The following TAS2R38 variants were observed in gnomAD, a reference collection of about 807,000 sequenced individuals.
TAS2R38 encodes the protein taste 2 receptor member 38.
Under a neutral mutation model 16.4 loss-of-function variants are expected in TAS2R38, and 11 were observed. The ratio of observed to expected loss-of-function variants is 0.67; its 90% CI spans 0.42 to 1.11. The LOEUF is 1.11. Ranked by LOEUF, TAS2R38 falls within the 50% of genes least tolerant of loss-of-function variation. The probability of loss-of-function intolerance (pLI) is 0.00; values close to 1 mark genes in which losing one functional copy is unlikely to be tolerated. For synonymous variants in TAS2R38, 149 were observed against 155.6 expected, an observed-to-expected ratio of 0.96 and a Z score of 0.32; for missense variants, 364 against 395.8, an observed-to-expected ratio of 0.92 and a Z score of 0.68.
chr7:141,972,986 C>T lies in TAS2R38; in HGVS notation c.704G>A (p.Arg235His), dbSNP rs144212167. The change falls in exon 1 of 1, where the codon CGT (arginine) becomes CAT (histidine). Residue 235 changes from arginine (R) to histidine (H), a missense_variant. By Grantham distance (29) the Arg-to-His change is conservative (BLOSUM62 0). Coordinates refer to ENST00000547270, the MANE Select transcript of TAS2R38 (RefSeq NM_176817.5). ...RTMKVYTRNS[R>H]DPSLEAHIKA... Reference sequence around the variant, plus strand: ...AATGTGGGCCTCCAGGCTGGGGTCACGAGAGTTTCTGGTATAGACCTTCAT... The same window carrying T: ...AATGTGGGCCTCCAGGCTGGGGTCATGAGAGTTTCTGGTATAGACCTTCAT... 5.7e-5 allele frequency: 92 copies of T among 1,614,016 alleles called. No homozygotes were observed. The highest frequency in any genetic ancestry group is 3.9e-4 in the African/African-American group (29 of 74,994).
chr7:141,972,911 G>A lies in TAS2R38; in HGVS notation c.779C>T (p.Ser260Phe). The A allele has an allele frequency of 6.2e-7, 1 of 1,613,778 alleles. No individual in the cohort carries two copies. Among genetic ancestry groups the A allele is most frequent in the Non-Finnish European group, 8.5e-7 (1 of 1,179,824 alleles). ...VSFFCFFVISSCAAFISVPLL... is the reference protein window; with the variant it reads ...VSFFCFFVISFCAAFISVPLL... ...GGGCACAGAGATGAAGGCAGCACAG[G>A]ATGATATCACAAAGAAGCAGAAAAA... is the stretch of plus-strand genomic sequence containing the variant. Residue 260 changes from serine to phenylalanine, a missense_variant, in exon 1 of 1, where the codon TCC (serine) becomes TTC (phenylalanine). Coordinates refer to ENST00000547270, the MANE Select transcript of TAS2R38 (RefSeq NM_176817.5).
At position 141,972,687 on chromosome 7, in the gene TAS2R38, C is replaced by G. The variant is rs782080649; in HGVS notation, c.*1G>C. 18 of 1,601,540 alleles carry G rather than the reference C, an allele frequency of 1.1e-5. No homozygotes were observed. Among genetic ancestry groups the G allele is most frequent in the Non-Finnish European group, 1.4e-5 (17 of 1,172,502 alleles). Reference sequence around the variant, plus strand: ...ATGAAGAGCTCATTTCATGTCCATTCTCAGCACAGTGTCCGGGAATCTGCC... The same window carrying G: ...ATGAAGAGCTCATTTCATGTCCATTGTCAGCACAGTGTCCGGGAATCTGCC... On this transcript the variant is annotated 3_prime_UTR_variant, in exon 1 of 1. Coordinates refer to ENST00000547270, the MANE Select transcript of TAS2R38 (RefSeq NM_176817.5).
In TAS2R38 at chr7:141,973,585, G is replaced by A. The variant is rs144536521; in HGVS notation, c.105C>T (p.Phe35=). Residue 35 remains phenylalanine (F), a synonymous_variant, in exon 1 of 1, where the codon TTC becomes TTT. Coordinates refer to ENST00000547270, the MANE Select transcript of TAS2R38 (RefSeq NM_176817.5). ...EFAVGFLTNA[F]VFLVNFWDVV... The stretch of plus-strand genomic sequence containing the variant: ...CATCCCAAAAATTCACCAAGAAAAC[G>A]AAGGCATTGGTCAGAAACCCCACTG... 1.1e-5 allele frequency: 18 copies of A among 1,613,920 alleles called. No individual in the cohort carries two copies. The highest frequency in any genetic ancestry group is 1.1e-4 in the South Asian group (10 of 91,054).
Position 141,973,752 on chromosome 7 carries a change from G to T in TAS2R38, c.-63C>A. ...TCTAGTTGGCTAATCTAAAGACCTG[G>T]TTGCCACCCAGTGCAGAAAGGTAAA... is the stretch of plus-strand genomic sequence containing the variant. On this transcript the variant is annotated 5_prime_UTR_variant, in exon 1 of 1. Transcript: ENST00000547270. 5 of 1,550,318 alleles carry T rather than the reference G, an allele frequency of 3.2e-6. No homozygotes were observed. The highest frequency in any genetic ancestry group is 4.4e-6 in the Non-Finnish European group (5 of 1,142,502).
rs1803408401 is a variant in TAS2R38 at position 141,973,660 on chromosome 7, C to T, written c.30G>A (p.Val10=). The T allele has an allele frequency of 6.2e-7, 1 of 1,613,896 alleles. No individual in the cohort carries two copies. Among genetic ancestry groups the T allele is most frequent in the African/African-American group, 1.3e-5 (1 of 74,904 alleles). The change falls in exon 1 of 1, where the codon GTG becomes GTA. Residue 10 remains valine (V), a synonymous_variant. Coordinates refer to ENST00000547270, the MANE Select transcript of TAS2R38 (RefSeq NM_176817.5). MLTLTRIRT[V]SYEVRSTFLF... ...GAAATGTACTCCTGACTTCATAGGACACAGTGCGGATGCGAGTTAGAGTCA... is the reference window on the plus strand; with the variant it reads ...GAAATGTACTCCTGACTTCATAGGATACAGTGCGGATGCGAGTTAGAGTCA...
chr7:141,972,894 A>G lies in TAS2R38; in HGVS notation c.796T>C (p.Ser266Pro). 6.2e-7 allele frequency: 1 copy of G among 1,614,120 alleles called. No homozygotes were observed. Among genetic ancestry groups the G allele is most frequent in the South Asian group, 1.1e-5 (1 of 91,076 alleles). Residue 266 changes from serine (S) to proline (P), a missense_variant, in exon 1 of 1, where the codon TCT becomes CCT. Ser to Pro is a moderately conservative substitution (Grantham distance 74). Transcript: ENST00000547270. The part of the protein sequence containing the change: ...FVISSCAAFI[S>P]VPLLILWRDK... ...CGCCACAGAATCAGTAGGGGCACAGAGATGAAGGCAGCACAGGATGATATC... is the reference window on the plus strand; with the variant it reads ...CGCCACAGAATCAGTAGGGGCACAGGGATGAAGGCAGCACAGGATGATATC...
Position 141,973,148 on chromosome 7 carries a change from CTTGTA to C in TAS2R38, c.537_541del (p.Asn179LysfsTer7). 6.2e-7 allele frequency: 1 copy of C among 1,614,016 alleles called. No individual in the cohort carries two copies. The highest frequency in any genetic ancestry group is 8.5e-7 in the Non-Finnish European group (1 of 1,180,008). ...GAGATCTTTAATCTGCCAGTTGAGC[CTTGTA>C]TTGTTATTCATGAATAGCACAGTTG... On this transcript the variant is annotated frameshift_variant, in exon 1 of 1. Coordinates refer to ENST00000547270, the MANE Select transcript of TAS2R38 (RefSeq NM_176817.5). LOFTEE classifies it high-confidence loss of function.
Position 141,972,890 on chromosome 7 carries a change from A to G in TAS2R38, c.800T>C (p.Val267Ala). The change falls in exon 1 of 1, where the codon GTG becomes GCG. Residue 267 changes from valine (V) to alanine (A), a missense_variant. Val to Ala is a moderately conservative substitution (Grantham distance 64, BLOSUM62 0). Coordinates refer to ENST00000547270, the MANE Select transcript of TAS2R38 (RefSeq NM_176817.5). ...VISSCAAFIS[V>A]PLLILWRDKI... is the part of the protein sequence containing the mutation. ...GTCGCGCCACAGAATCAGTAGGGGC[A>G]CAGAGATGAAGGCAGCACAGGATGA... 6.2e-7 allele frequency: 1 copy of G among 1,614,134 alleles called. No individual in the cohort carries two copies. The highest frequency in any genetic ancestry group is 2.2e-5 in the East Asian group (1 of 44,870).
Position 141,972,926 on chromosome 7 carries a change from A to G in TAS2R38, c.764T>C (p.Phe255Ser), listed in dbSNP as rs781902826. 3.7e-6 allele frequency: 6 copies of G among 1,613,972 alleles called. No individual in the cohort carries two copies. Among genetic ancestry groups the G allele is most frequent in the Non-Finnish European group, 4.2e-6 (5 of 1,180,030 alleles). ...ALKSLVSFFCFFVISSCAAFI... is the reference protein window; with the variant it reads ...ALKSLVSFFCSFVISSCAAFI... ...GGCAGCACAGGATGATATCACAAAGAAGCAGAAAAAGGAGACAAGAGACTT... is the reference window on the plus strand; with the variant it reads ...GGCAGCACAGGATGATATCACAAAGGAGCAGAAAAAGGAGACAAGAGACTT... The change falls in exon 1 of 1, where the codon TTC (phenylalanine) becomes TCC (serine). Residue 255 changes from phenylalanine to serine, a missense_variant. Phe to Ser is a radical substitution (Grantham distance 155). Coordinates refer to ENST00000547270, the MANE Select transcript of TAS2R38 (RefSeq NM_176817.5).
rs713598 is a variant in TAS2R38 at position 141,973,545 on chromosome 7, C to G, written c.145G>C (p.Ala49Pro). ...AGCACACAATCACTGTTGCTCAGTG[C>G]CTGCCTCTTCACTACATCCCAAAAA... ...VNFWDVVKRQ[A>P]LSNSDCVLLC... Residue 49 changes from alanine to proline, a missense_variant, in exon 1 of 1, where the codon GCA becomes CCA. Transcript: ENST00000547270. The G allele has an allele frequency of 0.42, 676,016 of 1,613,688 alleles. 145,391 individuals carry two copies. Among genetic ancestry groups the G allele is most frequent in the Admixed American group, 0.65 (38,861 of 59,994 alleles).
Position 141,972,802 on chromosome 7 carries a change from G to A in TAS2R38, c.888C>T (p.Ile296=), listed in dbSNP as rs782121413. 5 of 1,614,070 alleles carry A rather than the reference G, an allele frequency of 3.1e-6. No individual in the cohort carries two copies. The South Asian group carries it at 5.5e-5, about 18-fold the overall frequency. ...TCAACTTGGCATTGCCTGAGATCAG[G>A]ATGGCTGCATGCCCAGAGGGACAAG... ...MAACPSGHAA[I]LISGNAKLRR... Residue 296 remains isoleucine (I), a synonymous_variant, in exon 1 of 1, where the codon ATC becomes ATT. Coordinates refer to ENST00000547270, the MANE Select transcript of TAS2R38 (RefSeq NM_176817.5).
rs377342463 is a variant in TAS2R38 at position 141,973,668 on chromosome 7, G to A, written c.22C>T (p.Arg8Cys). ...CTCCTGACTTCATAGGACACAGTGC[G>A]GATGCGAGTTAGAGTCAACATGATG... MLTLTRIRTVSYEVRSTF... is the reference protein window; with the variant it reads MLTLTRICTVSYEVRSTF... Residue 8 changes from arginine (R) to cysteine (C), a missense_variant, in exon 1 of 1, where the codon CGC becomes TGC. By Grantham distance (180) the Arg-to-Cys change is radical. Coordinates refer to ENST00000547270, the MANE Select transcript of TAS2R38 (RefSeq NM_176817.5). 8.7e-6 allele frequency: 14 copies of A among 1,613,348 alleles called. No individual in the cohort carries two copies. The highest frequency in any genetic ancestry group is 3.3e-5 in the Admixed American group (2 of 59,948).
In TAS2R38 at chr7:141,973,241, C is replaced by A; in HGVS notation, c.449G>T (p.Cys150Phe). Residue 150 changes from cysteine to phenylalanine, a missense_variant, in exon 1 of 1, where the codon TGC (cysteine) becomes TTC (phenylalanine). Coordinates refer to ENST00000547270, the MANE Select transcript of TAS2R38 (RefSeq NM_176817.5). ...ACAGAGGACAGTGCAGATGCAGGAG[C>A]AAAGAATAATACCCAGGAGCATCTG... ...ISQMLLGIIL[C>F]SCICTVLCVW... is the part of the protein sequence containing the mutation. 1 of 1,614,004 alleles carries A rather than the reference C, an allele frequency of 6.2e-7. No homozygotes were observed. Among genetic ancestry groups the A allele is most frequent in the Admixed American group, 1.7e-5 (1 of 59,996 alleles).
At position 141,973,475 on chromosome 7, in the gene TAS2R38, A is replaced by T; in HGVS notation, c.215T>A (p.Phe72Tyr). 6.2e-7 allele frequency: 1 copy of T among 1,614,160 alleles called. No homozygotes were observed. Among genetic ancestry groups the T allele is most frequent in the Non-Finnish European group, 8.5e-7 (1 of 1,180,030 alleles). Residue 72 changes from phenylalanine (F) to tyrosine (Y), a missense_variant, in exon 1 of 1, where the codon TTC (phenylalanine) becomes TAC (tyrosine). Physicochemically the swap from Phe to Tyr is conservative, Grantham distance 22. Transcript: ENST00000547270. ...GTGGGTAAGCTGGATAGCACTCAGG[A>T]ACAGCAGTCCATGCAGGAAAAGCCG... Reference protein sequence around the residue: ...ISRLFLHGLLFLSAIQLTHFQ... With the variant: ...ISRLFLHGLLYLSAIQLTHFQ...
chr7:141,973,212 A>G lies in TAS2R38; in HGVS notation c.478T>C (p.Trp160Arg). The G allele has an allele frequency of 6.2e-7, 1 of 1,614,148 alleles. No homozygotes were observed. The highest frequency in any genetic ancestry group is 8.5e-7 in the Non-Finnish European group (1 of 1,180,016). ...CSCICTVLCV[W>R]CFFSRPHFTV... ...AAGTGAGGTCTGCTAAAAAAGCACC[A>G]AACACAGAGGACAGTGCAGATGCAG... is the stretch of plus-strand genomic sequence containing the variant. Residue 160 changes from tryptophan to arginine, a missense_variant, in exon 1 of 1, where the codon TGG (tryptophan) becomes CGG (arginine). Physicochemically the swap from Trp to Arg is moderately radical, Grantham distance 101. Transcript: ENST00000547270.
rs782820789 is a variant in TAS2R38 at position 141,973,089 on chromosome 7, AC to A, written c.600del (p.Trp201GlyfsTer16). ...NLFYSFLFCY[L>X]WSVPPFLLFL... ...AACAATAGGAAAGGAGGCACAGACC[AC>A]AGATAGCAGAAGAGAAAGGAATAAA... On this transcript the variant is annotated frameshift_variant, in exon 1 of 1. Coordinates refer to ENST00000547270, the MANE Select transcript of TAS2R38 (RefSeq NM_176817.5). LOFTEE classifies it high-confidence loss of function. 3 of 1,614,062 alleles carry A rather than the reference AC, an allele frequency of 1.9e-6. No individual in the cohort carries two copies. The Admixed American group carries it at 5.0e-5, about 27-fold the overall frequency.
In TAS2R38 at chr7:141,973,194, G is replaced by T; in HGVS notation, c.496C>A (p.Pro166Thr). ...AGCACAGTTGTGACTGTGAAGTGAG[G>T]TCTGCTAAAAAAGCACCAAACACAG... is the stretch of plus-strand genomic sequence containing the variant. Reference protein sequence around the residue: ...VLCVWCFFSRPHFTVTTVLFM... With the variant: ...VLCVWCFFSRTHFTVTTVLFM... Residue 166 changes from proline (P) to threonine (T), a missense_variant, in exon 1 of 1, where the codon CCT (proline) becomes ACT (threonine). Pro to Thr is a conservative substitution (Grantham distance 38). Coordinates refer to ENST00000547270, the MANE Select transcript of TAS2R38 (RefSeq NM_176817.5). 6.2e-7 allele frequency: 1 copy of T among 1,614,072 alleles called. No individual in the cohort carries two copies. Among genetic ancestry groups the T allele is most frequent in the Non-Finnish European group, 8.5e-7 (1 of 1,180,022 alleles).
chr7:141,973,058 A>G lies in TAS2R38; in HGVS notation c.632T>C (p.Val211Ala). The G allele has an allele frequency of 6.2e-7, 1 of 1,614,096 alleles. No homozygotes were observed. Among genetic ancestry groups the G allele is most frequent in the Non-Finnish European group, 8.5e-7 (1 of 1,180,036 alleles). ...WSVPPFLLFL[V>A]SSGMLTVSLG... ...GGAGACAGTCAGCATCCCAGAAGAA[A>G]CCAGAAACAATAGGAAAGGAGGCAC... is the stretch of plus-strand genomic sequence containing the variant. The change falls in exon 1 of 1, where the codon GTT (valine) becomes GCT (alanine). Residue 211 changes from valine (V) to alanine (A), a missense_variant. Coordinates refer to ENST00000547270, the MANE Select transcript of TAS2R38 (RefSeq NM_176817.5).
chr7:141,973,066 C>A lies in TAS2R38; in HGVS notation c.624G>T (p.Leu208Phe), dbSNP rs782437209. ...TCAGCATCCCAGAAGAAACCAGAAACAATAGGAAAGGAGGCACAGACCACA... is the reference window on the plus strand; with the variant it reads ...TCAGCATCCCAGAAGAAACCAGAAAAAATAGGAAAGGAGGCACAGACCACA... ...CYLWSVPPFL[L>F]FLVSSGMLTV... The change falls in exon 1 of 1, where the codon TTG becomes TTT. Residue 208 changes from leucine (L) to phenylalanine (F), a missense_variant. Coordinates refer to ENST00000547270, the MANE Select transcript of TAS2R38 (RefSeq NM_176817.5). 1.2e-6 allele frequency: 2 copies of A among 1,613,866 alleles called. No individual in the cohort carries two copies. The highest frequency in any genetic ancestry group is 1.7e-6 in the Non-Finnish European group (2 of 1,179,998).
Sources: allele counts gnomAD v4.1 joint callset, GRCh38; gene constraint gnomAD v4.1.1; transcripts MANE v1.5; gene names NCBI Gene and HGNC (gene_info 2026-07-23, HGNC 2026-07-21).